Variants in CSNK1A1 observed in about 807,000 individuals in gnomAD.
CSNK1A1 encodes the protein casein kinase I isoform alpha.
In CSNK1A1, 7 loss-of-function variants were observed where a neutral mutation model predicts 46.1. That is an observed-to-expected ratio of 0.15 (90% confidence interval 0.09 to 0.29). The LOEUF (loss-of-function observed/expected upper bound fraction) is 0.29, where lower values mean the gene tolerates loss of function less well. CSNK1A1 is among the 10% of genes least tolerant of loss of function. The probability of loss-of-function intolerance (pLI) is 1.00; values close to 1 mark genes in which losing one functional copy is unlikely to be tolerated. For synonymous variants in CSNK1A1, 137 were observed against 141.5 expected (o/e 0.97, Z 0.23); for missense variants, 96 against 417.1 (o/e 0.23, Z 6.71).
chr5:149,500,468 AG>A (rs1463170935), intron 9 of CSNK1A1, among the ~76,000 whole-genome samples: 1 of 150,700 alleles, frequency 6.6e-6, no homozygotes, highest in African/African-American at 2.4e-5. Context: ...TAGTAAAGAC[AG>A]GGTTTCACTG....
chr5:149,539,591 A>AT (rs1166127738), intron 2 of CSNK1A1, among the ~76,000 whole-genome samples: 1 of 152,080 alleles, frequency 6.6e-6, no homozygotes, highest in Non-Finnish European at 1.5e-5. Context: ...AATATACTAT[A>AT]TTTTGGGGAT....
chr5:149,542,483 C>T (rs1415216407), intron 2 of CSNK1A1, among the ~76,000 whole-genome samples: 1 of 135,790 alleles, frequency 7.4e-6, no homozygotes, highest in Non-Finnish European at 1.6e-5. Context: ...CTGTCTTCCA[C>T]GAAACCTGTC....
Position 149,517,800 on chromosome 5 carries a change from T to C in CSNK1A1, c.456+2490A>G. 1 of 1,601,046 alleles carries C rather than the reference T, an allele frequency of 6.2e-7. No homozygotes were observed. The highest frequency in any genetic ancestry group is 8.5e-7 in the Non-Finnish European group (1 of 1,171,646). On this transcript the variant is annotated intron_variant, in intron 4 of 9. Coordinates refer to ENST00000377843, the MANE Select transcript of CSNK1A1 (RefSeq NM_001892.6). The surrounding 1 kb of genome is among the most constrained non-coding windows in gnomAD (Gnocchi z 4.4). ...ATAGGAGACAGTTTCAGACCTGGTT[T>C]AATCCTGAGAAAGATGGGTCCTGAG... is the stretch of plus-strand genomic sequence containing the variant.
In CSNK1A1 at chr5:149,550,024, C is replaced by A; in HGVS notation, c.230+51G>T. ...TCTCATTACCTGCCTCTACCCACTT[C>A]CCCATTCCGTGCTTCCCTCAGCGGA... On this transcript the variant is annotated intron_variant, in intron 2 of 9. Coordinates refer to ENST00000377843, the MANE Select transcript of CSNK1A1 (RefSeq NM_001892.6). This position sits in a 1 kb window ranked among gnomAD's most constrained non-coding sequence, Gnocchi z 4.3. 6.3e-7 allele frequency: 1 copy of A among 1,589,612 alleles called. No individual in the cohort carries two copies. The highest frequency in any genetic ancestry group is 1.1e-5 in the South Asian group (1 of 88,866).
In CSNK1A1 at chr5:149,550,714, TAGCTCCCTG is replaced by T; in HGVS notation, c.123+119_123+127del. 1 of 1,328,864 alleles carries T rather than the reference TAGCTCCCTG, an allele frequency of 7.5e-7. No homozygotes were observed. The highest frequency in any genetic ancestry group is 1.0e-6 in the Non-Finnish European group (1 of 974,896). The allele number at this position is 1,328,864 out of a possible 1,614,324, so 82.3% of individuals were successfully genotyped here. A position where few individuals can be genotyped will look rare whatever the true frequency, so the allele number is the denominator to read the frequency against. Reference sequence around the variant, plus strand: ...GACGAGGTTCGTAAGCCAGGAAAACTAGCTCCCTGGACTCCCTGGCGAGTGCGTGCGATG... The same window carrying T: ...GACGAGGTTCGTAAGCCAGGAAAACTGACTCCCTGGCGAGTGCGTGCGATG... On this transcript the variant is annotated intron_variant, in intron 1 of 9. Transcript: ENST00000377843. The surrounding 1 kb of genome is among the most constrained non-coding windows in gnomAD (Gnocchi z 4.3).
chr5:149,535,520 TC>T (rs1441148187), intron 2 of CSNK1A1, among the ~76,000 whole-genome samples: 1 of 151,972 alleles, frequency 6.6e-6, no homozygotes, highest in Non-Finnish European at 1.5e-5. Context: ...TTACCTCCAC[TC>T]CTTAAAAAGG....
rs1024942471 is a variant in CSNK1A1 at position 149,520,177 on chromosome 5, G to A, written c.456+113C>T. ...CATAGCACAATCTTTTAAAGCAACTGTCAACAGCAAATTCAACTTACTATG... is the reference window on the plus strand; with the variant it reads ...CATAGCACAATCTTTTAAAGCAACTATCAACAGCAAATTCAACTTACTATG... On this transcript the variant is annotated intron_variant, in intron 4 of 9. Coordinates refer to ENST00000377843, the MANE Select transcript of CSNK1A1 (RefSeq NM_001892.6). 2.2e-4 allele frequency: 140 copies of A among 638,874 alleles called. No individual in the cohort carries two copies. In the African/African-American group the frequency reaches 2.2e-3, roughly 10 times the overall value. 39.6% of individuals were successfully genotyped at this position (638,874 alleles called of 1,614,324 possible).
At chr5:149,497,549 C>T in intron 9 of CSNK1A1, 1 of 985,404 alleles carries the variant, frequency 1.0e-6, no homozygotes, top group African/African-American at 1.7e-5. Context: ...CTACATAGGC[C>T]CTAGGCCAAG....
At chr5:149,547,061 C>G (rs1268504093) in intron 2 of CSNK1A1, among the ~76,000 whole-genome samples, 1 of 152,154 alleles carries the variant, frequency 6.6e-6, no homozygotes, top group East Asian at 1.9e-4. Flanking sequence ...ACCCTTTCCA[C>G]ACTCTCATCC....
intron 3 of CSNK1A1, among the ~76,000 whole-genome samples, chr5:149,522,994 A>T (rs569287703): frequency 1.1e-4 from 17 of 152,142 alleles, no homozygotes; most frequent in African/African-American, 3.9e-4. Context: ...CATAAGCCAT[A>T]ACTCTTTTAT....
chr5:149,498,621 T>C (rs1269040824), intron 9 of CSNK1A1: 1 of 985,142 alleles, frequency 1.0e-6, no homozygotes, highest in Admixed American at 6.1e-5. Context: ...TTAAACAGAA[T>C]TCCCCCATCA....
Position 149,551,090 on chromosome 5 carries a change from T to C in CSNK1A1, c.-126A>G. On this transcript the variant is annotated 5_prime_UTR_variant, in exon 1 of 10. Transcript: ENST00000377843. The stretch of plus-strand genomic sequence containing the variant: ...CGGCAGGAAACGGAACACGGAGGCC[T>C]TTACCGGGGTTCGGGGCCCAGAATC... The C allele has an allele frequency of 9.7e-7, 1 of 1,032,108 alleles. No homozygotes were observed. The highest frequency in any genetic ancestry group is 1.4e-6 in the Non-Finnish European group (1 of 704,862). The allele number at this position is 1,032,108 out of a possible 1,614,324, so 63.9% of individuals were successfully genotyped here. A position where few individuals can be genotyped will look rare whatever the true frequency, so the allele number is the denominator to read the frequency against.
intron 9 of CSNK1A1, 127 bp from the exon 10 acceptor site, chr5:149,496,987 G>C: frequency 1.4e-6 from 2 of 1,457,590 alleles, no homozygotes; most frequent in Non-Finnish European, 1.8e-6. Context: ...TTCGTCTCTT[G>C]TGAAAAGTAT....
intron 2 of CSNK1A1, chr5:149,545,502 C>A (rs1164826153): frequency 1.6e-6 from 1 of 626,566 alleles, no homozygotes. Context: ...ACAGTCTGAG[C>A]CCCTTGGCAA....
chr5:149,505,627 T>G (rs1760996919), intron 8 of CSNK1A1, 32 bp from the exon 9 acceptor site: 34 of 1,581,104 alleles, frequency 2.2e-5, no homozygotes, highest in Non-Finnish European at 2.9e-5. Context: ...ATGTTAATCC[T>G]TTAATAACAG....
chr5:149,513,396 A>G (rs1243914552), intron 4 of CSNK1A1, among the ~76,000 whole-genome samples, 187 bp from the exon 5 acceptor site: 1 of 149,630 alleles, frequency 6.7e-6, no homozygotes, highest in Non-Finnish European at 1.5e-5. Flanking sequence ...TCATCAATAA[A>G]TCAAGTTAAA....
chr5:149,502,255 G>A (rs1325909044), intron 9 of CSNK1A1: 5 of 941,848 alleles, frequency 5.3e-6, no homozygotes, highest in Non-Finnish European at 6.3e-6. Flanking sequence ...AGATTTACTT[G>A]CTTAAAATAC....
In CSNK1A1 at chr5:149,517,373, T is replaced by C. The variant is rs966425374; in HGVS notation, c.456+2917A>G. Reference sequence around the variant, plus strand: ...TTAGGGAAGGGGAAGAGAGGTGAGGTAGAATATATTCATTATACAGCACTA... The same window carrying C: ...TTAGGGAAGGGGAAGAGAGGTGAGGCAGAATATATTCATTATACAGCACTA... On this transcript the variant is annotated intron_variant, in intron 4 of 9. Coordinates refer to ENST00000377843, the MANE Select transcript of CSNK1A1 (RefSeq NM_001892.6). This position sits in a 1 kb window ranked among gnomAD's most constrained non-coding sequence, Gnocchi z 4.4. Among the ~76,000 whole-genome samples, 4 of 152,282 alleles carry C rather than the reference T, an allele frequency of 2.6e-5. No homozygotes were observed. The East Asian group carries it at 5.8e-4, about 22-fold the overall frequency.
At chr5:149,507,307 A>G (rs1761064010) in intron 7 of CSNK1A1, among the ~76,000 whole-genome samples, 174 bp from the exon 8 acceptor site, 1 of 152,196 alleles carries the variant, frequency 6.6e-6, no homozygotes, top group South Asian at 2.1e-4. Flanking sequence ...ATAAAATTTC[A>G]TGACCCTACC....
Sources: gnomAD v4.1 joint callset for allele counts (sites outside exome capture counted in the v4.1 genomes callset) on GRCh38, gnomAD v4.1.1 for gene constraint, Gnocchi (gnomAD v3.1) non-coding constraint, MANE v1.5 for transcripts, NCBI Gene and HGNC (gene_info 2026-07-23, HGNC 2026-07-21) for gene names.